The following GJC1 variants were observed in gnomAD, a reference collection of about 807,000 sequenced individuals.
GJC1 encodes gap junction protein gamma 1, also known as gap junction gamma-1 protein.
A neutral mutation model predicts 29.3 loss-of-function variants in GJC1; 5 were observed. That is an observed-to-expected ratio of 0.17 (90% confidence interval 0.09 to 0.36). The LOEUF (loss-of-function observed/expected upper bound fraction) is 0.36, where lower values mean the gene tolerates loss of function less well. Among genes scored for constraint, GJC1 ranks in the 10% least tolerant of loss-of-function variants. The pLI is 1.00. For missense variants in GJC1, 310 were observed against 496.2 expected (o/e 0.62, Z 3.56); for synonymous variants, 177 against 183.3 (o/e 0.97, Z 0.28).
At chr17:44,821,719 A>AC (rs2050109532) in intron 1 of GJC1, among the ~76,000 whole-genome samples, 51 of 143,372 alleles carry the variant, frequency 3.6e-4, no homozygotes, top group Non-Finnish European at 7.2e-4. Context: ...AAAAAAAAAA[A>AC]AAAAAACAAC....
downstream of GJC1, chr17:44,794,545 G>A (rs748059906): frequency 6.6e-6 from 1 of 152,238 alleles, no homozygotes; most frequent in African/African-American, 2.4e-5. Flanking sequence ...AGAAAAATGG[G>A]CCAGGCCAAA....
At chr17:44,815,885 G>A (rs909623128) in intron 1 of GJC1, among the ~76,000 whole-genome samples, 2 of 151,852 alleles carry the variant, frequency 1.3e-5, no homozygotes, top group Non-Finnish European at 2.9e-5. Flanking sequence ...AGGCCGAGGT[G>A]GGCGGATCAT....
At chr17:44,815,778 T>A (rs2050034725) in intron 1 of GJC1, among the ~76,000 whole-genome samples, 1 of 91,746 alleles carries the variant, frequency 1.1e-5, no homozygotes, top group Admixed American at 8.9e-5. Context: ...CCTTCAAATT[T>A]TATTATTTTT....
downstream of GJC1, among the ~76,000 whole-genome samples, chr17:44,798,152 A>G (rs1255102438): frequency 6.6e-6 from 1 of 152,180 alleles, no homozygotes; most frequent in Non-Finnish European, 1.5e-5. Flanking sequence ...GACGCCACGA[A>G]TATGCTGACC....
At chr17:44,807,737 T>A (rs903630498) in intron 1 of GJC1, 2 of 152,118 alleles carry the variant, frequency 1.3e-5, no homozygotes, top group Non-Finnish European at 2.9e-5. Context: ...AGTAAAAATA[T>A]GAAGCAGATG....
chr17:44,810,344 A>T (rs2049963783), intron 1 of GJC1, among the ~76,000 whole-genome samples: 1 of 152,172 alleles, frequency 6.6e-6, no homozygotes, highest in Admixed American at 6.6e-5. Context: ...ATTTCTCAAC[A>T]GTTGAGCTTT....
downstream of GJC1, among the ~76,000 whole-genome samples, chr17:44,796,315 A>G (rs766535669): frequency 1.3e-5 from 2 of 152,150 alleles, no homozygotes; most frequent in Non-Finnish European, 2.9e-5. Flanking sequence ...ATTTTGAAAC[A>G]TGCTTAACAT....
At chr17:44,829,845 G>C (rs963944743) in intron 1 of GJC1, among the ~76,000 whole-genome samples, 1 of 152,040 alleles carries the variant, frequency 6.6e-6, no homozygotes, top group Non-Finnish European at 1.5e-5. Context: ...GGTGCGCCGG[G>C]GACAGTGGCA....
At chr17:44,810,047 A>G (rs1381892013) in intron 1 of GJC1, among the ~76,000 whole-genome samples, 1 of 148,996 alleles carries the variant, frequency 6.7e-6, no homozygotes, top group African/African-American at 2.5e-5. Flanking sequence ...ATTTTTTTGT[A>G]GAGACTGGGT....
At chr17:44,820,225 G>A (rs978049476) in intron 1 of GJC1, among the ~76,000 whole-genome samples, 2 of 152,112 alleles carry the variant, frequency 1.3e-5, no homozygotes, top group African/African-American at 4.8e-5. Context: ...GCCTCCCAAA[G>A]TGCTGGGATT....
At chr17:44,811,457 CT>C (rs2049980939) in intron 1 of GJC1, among the ~76,000 whole-genome samples, 1 of 149,210 alleles carries the variant, frequency 6.7e-6, no homozygotes, top group Admixed American at 6.8e-5. Context: ...GGCACCTGGG[CT>C]CACTGTAGCC....
At chr17:44,819,659 A>G in intron 1 of GJC1, among the ~76,000 whole-genome samples, 1 of 146,256 alleles carries the variant, frequency 6.8e-6, no homozygotes, top group East Asian at 2.0e-4. Context: ...CTCCGTCTCA[A>G]AAATAAATAA....
At chr17:44,823,103 G>A (rs973946989) in intron 1 of GJC1, among the ~76,000 whole-genome samples, 13 of 152,048 alleles carry the variant, frequency 8.5e-5, no homozygotes, top group Non-Finnish European at 1.5e-4. Flanking sequence ...CTACAAACAT[G>A]TGAATGAAAA....
intron 1 of GJC1, among the ~76,000 whole-genome samples, chr17:44,809,891 CT>C (rs1310058525): frequency 8.0e-6 from 1 of 125,582 alleles, no homozygotes; most frequent in Non-Finnish European, 1.7e-5. Flanking sequence ...GACAGTCTCG[CT>C]TTTTTGGCCA....
At chr17:44,814,012 CAAG>C (rs1032073803) in intron 1 of GJC1, among the ~76,000 whole-genome samples, 10 of 152,108 alleles carry the variant, frequency 6.6e-5, no homozygotes, top group Non-Finnish European at 1.0e-4. Flanking sequence ...AAGATCATTT[CAAG>C]AAGTAGAATG....
Position 44,804,616 on chromosome 17 carries a change from G to A in GJC1, c.*11C>T, listed in dbSNP as rs779115972. The A allele has an allele frequency of 6.3e-7, 1 of 1,582,244 alleles. No homozygotes were observed. The highest frequency in any genetic ancestry group is 1.3e-5 in the African/African-American group (1 of 74,350). On this transcript the variant is annotated 3_prime_UTR_variant, in exon 3 of 3. Transcript: ENST00000592524. Reference sequence around the variant, plus strand: ...AAACTATGAAAAGCACAGGTTTTAAGCCCGCCAGGATTAAATCCAGACGGA... The same window carrying A: ...AAACTATGAAAAGCACAGGTTTTAAACCCGCCAGGATTAAATCCAGACGGA...
In GJC1 at chr17:44,805,752, C is replaced by T. The variant is rs1567707587; in HGVS notation, c.66G>A (p.Lys22=). Residue 22 remains lysine (K), a synonymous_variant, in exon 3 of 3, where the codon AAG becomes AAA. Coordinates refer to ENST00000592524, the MANE Select transcript of GJC1 (RefSeq NM_005497.4). This position sits in a 1 kb window ranked among gnomAD's most constrained non-coding sequence, Gnocchi z 5.1. ...EIHNHSTFVG[K]IWLTVLIVFR... ...AGACAATCAGAACAGTGAGCCAGATCTTCCCCACAAATGTGGAATGGTTGT... is the reference window on the plus strand; with the variant it reads ...AGACAATCAGAACAGTGAGCCAGATTTTCCCCACAAATGTGGAATGGTTGT... 6.2e-7 allele frequency: 1 copy of T among 1,614,146 alleles called. No homozygotes were observed. Among genetic ancestry groups the T allele is most frequent in the African/African-American group, 1.3e-5 (1 of 75,058 alleles).
rs773528847 is a variant in GJC1, at chr17:44,805,850, GA to G, written c.-20-14del. The stretch of plus-strand genomic sequence containing the variant: ...GAATTGGTATGCCCTGATAAAAGTG[GA>G]AAAATACCAAAATAAAATCAACAAA... On this transcript the variant is annotated splice_polypyrimidine_tract_variant and intron_variant, in intron 2 of 2. Coordinates refer to ENST00000592524, the MANE Select transcript of GJC1 (RefSeq NM_005497.4). The surrounding 1 kb of genome is among the most constrained non-coding windows in gnomAD (Gnocchi z 5.1). The G allele has an allele frequency of 1.1e-5, 13 of 1,179,140 alleles. No homozygotes were observed. The African/African-American group carries it at 1.2e-4, about 11-fold the overall frequency. The allele number at this position is 1,179,140 out of a possible 1,614,324, so 73.0% of individuals were successfully genotyped here.
At position 44,800,986 on chromosome 17, in the gene GJC1, T is replaced by C. The variant is rs1385741175; in HGVS notation, c.*3641A>G. 6.6e-6 allele frequency: 1 copy of C among 151,606 alleles called. No homozygotes were observed. The highest frequency in any genetic ancestry group is 2.4e-5 in the African/African-American group (1 of 41,218). 9.4% of individuals were successfully genotyped at this position (151,606 alleles called of 1,614,324 possible). On this transcript the variant is annotated 3_prime_UTR_variant, in exon 3 of 3. Coordinates refer to ENST00000592524, the MANE Select transcript of GJC1 (RefSeq NM_005497.4). ...TACAAATCTTCTGAATAACGGGTTT[T>C]AAGAGCAGGCCAGGCGCGGTGGCTC...
Sources: allele counts gnomAD v4.1 joint callset (sites outside exome capture counted in the v4.1 genomes callset), GRCh38; gene constraint gnomAD v4.1.1; non-coding constraint Gnocchi (gnomAD v3.1); transcripts MANE v1.5; gene names NCBI Gene and HGNC (gene_info 2026-07-23, HGNC 2026-07-21).